The following SPAG16 variants were observed in gnomAD, a reference collection of about 807,000 sequenced individuals.
SPAG16 encodes sperm associated antigen 16, also known as sperm-associated antigen 16 protein.
SPAG16 carries 86 observed loss-of-function variants against 80.4 expected under a neutral mutation model. That is an observed-to-expected ratio of 1.07 (90% confidence interval 0.90 to 1.28). The LOEUF is 1.28. SPAG16 is among the 50% of genes most tolerant of loss of function. The pLI, the probability that SPAG16 is intolerant of heterozygous loss-of-function variation, is 0.00. For synonymous variants in SPAG16, 294 were observed against 265.9 expected (o/e 1.11, Z -1.03); for missense variants, 870 against 765.3 (o/e 1.14, Z -1.61).
chr2:214,126,646 TAATC>T (rs1362504196), intron 14 of SPAG16, among the ~76,000 whole-genome samples: 1 of 151,782 alleles, frequency 6.6e-6, no homozygotes, highest in East Asian at 1.9e-4. Flanking sequence ...AGCACTATAT[TAATC>T]AATAATAATT....
At chr2:213,351,384 T>C (rs2065318335) in intron 7 of SPAG16, among the ~76,000 whole-genome samples, 1 of 152,158 alleles carries the variant, frequency 6.6e-6, no homozygotes, top group Non-Finnish European at 1.5e-5. Context: ...GTGAAACTTA[T>C]ATGAGATATT....
At chr2:213,408,577 G>T (rs1575513794) in intron 9 of SPAG16, among the ~76,000 whole-genome samples, 2 of 126,840 alleles carry the variant, frequency 1.6e-5, no homozygotes, top group African/African-American at 5.6e-5. Flanking sequence ...TTTCCTAACA[G>T]GGGATTTAAA....
At chr2:213,690,023 C>T (rs2064871584) in intron 10 of SPAG16, among the ~76,000 whole-genome samples, 1 of 152,042 alleles carries the variant, frequency 6.6e-6, no homozygotes, top group Non-Finnish European at 1.5e-5. Flanking sequence ...ATATTCTGGC[C>T]TCCATAATGT....
rs2072899801 is a variant in SPAG16 at position 213,468,733 on chromosome 2, T to C, written c.943-21230T>C. 2.7e-5 allele frequency among the ~76,000 whole-genome samples: 4 copies of C among 149,586 alleles called. No homozygotes were observed. The Admixed American group carries it at 2.7e-4, about 10-fold the overall frequency. ...CTGTGTATATATATGTGTATATATATATCTCCTACATATATATCATATATA... is the reference window on the plus strand; with the variant it reads ...CTGTGTATATATATGTGTATATATACATCTCCTACATATATATCATATATA... On this transcript the variant is annotated intron_variant, in intron 9 of 15. Transcript: ENST00000331683.
At chr2:213,516,593 T>G (rs1253979192) in intron 10 of SPAG16, among the ~76,000 whole-genome samples, 1 of 152,180 alleles carries the variant, frequency 6.6e-6, no homozygotes, top group African/African-American at 2.4e-5. Context: ...TGCCAGGCAC[T>G]ATTTTAGGTG....
At chr2:214,388,445 G>A (rs1243510231) in intron 15 of SPAG16, among the ~76,000 whole-genome samples, 1 of 152,088 alleles carries the variant, frequency 6.6e-6, no homozygotes, top group Non-Finnish European at 1.5e-5. Context: ...GAATATATAT[G>A]ATCTTTACAT....
At chr2:213,552,086 GGT>G (rs1332005721) in intron 10 of SPAG16, among the ~76,000 whole-genome samples, 1 of 152,146 alleles carries the variant, frequency 6.6e-6, no homozygotes, top group Non-Finnish European at 1.5e-5. Flanking sequence ...AAATAAGGAA[GGT>G]GTGCAGAGAT....
intron 8 of SPAG16, among the ~76,000 whole-genome samples, chr2:213,373,210 G>T (rs182004225): frequency 1.3e-5 from 2 of 152,074 alleles, no homozygotes; most frequent in African/African-American, 2.4e-5. Flanking sequence ...AGTGCTATAT[G>T]GAATCTGAGA....
chr2:213,643,767 CTTTTTTTTTTT>C (rs71063764), intron 10 of SPAG16, among the ~76,000 whole-genome samples: 2 of 52,004 alleles, frequency 3.8e-5, no homozygotes, highest in South Asian at 1.5e-3. Flanking sequence ...CTCACTACTT[CTTTTTTTTTTT>C]TTTTTTTTTT....
chr2:214,229,018 A>G (rs1688497455), intron 15 of SPAG16, among the ~76,000 whole-genome samples: 1 of 151,886 alleles, frequency 6.6e-6, no homozygotes, highest in Non-Finnish European at 1.5e-5. Flanking sequence ...ATTATGTTAC[A>G]TAGTTTCTGC....
At chr2:213,926,291 G>A (rs559695490) in intron 11 of SPAG16, among the ~76,000 whole-genome samples, 25 of 151,942 alleles carry the variant, frequency 1.6e-4, no homozygotes, top group Non-Finnish European at 3.1e-4. Context: ...TTGGTTACAT[G>A]AGTAAGTTCT....
At chr2:213,407,625 G>GGC (rs2068697731) in intron 9 of SPAG16, among the ~76,000 whole-genome samples, 1 of 141,690 alleles carries the variant, frequency 7.1e-6, no homozygotes. Flanking sequence ...GAGAGAGAGA[G>GGC]AGAGAGAGAG....
At chr2:213,518,123 A>G (rs544920247) in intron 10 of SPAG16, among the ~76,000 whole-genome samples, 1 of 152,344 alleles carries the variant, frequency 6.6e-6, no homozygotes, top group African/African-American at 2.4e-5. Context: ...AACCCCACTG[A>G]TAAATGGGCA....
At chr2:213,912,175 A>G (rs1159947181) in intron 11 of SPAG16, among the ~76,000 whole-genome samples, 4 of 152,082 alleles carry the variant, frequency 2.6e-5, no homozygotes, top group Non-Finnish European at 4.4e-5. Flanking sequence ...GGTTAGTAAA[A>G]TACTTTGGGC....
At chr2:213,515,406 C>G (rs1026185992) in intron 10 of SPAG16, among the ~76,000 whole-genome samples, 10 of 152,304 alleles carry the variant, frequency 6.6e-5, no homozygotes, top group Middle Eastern at 3.4e-3. Context: ...TATACTTCAT[C>G]CTCTACCTCC....
intron 9 of SPAG16, among the ~76,000 whole-genome samples, chr2:213,457,899 G>T (rs2072132484): frequency 6.9e-6 from 1 of 145,940 alleles, no homozygotes; most frequent in Admixed American, 6.8e-5. Flanking sequence ...TCCTTCCTTG[G>T]CCTTTTTGAC....
At chr2:214,342,322 G>C (rs759891572) in intron 15 of SPAG16, among the ~76,000 whole-genome samples, 7 of 152,174 alleles carry the variant, frequency 4.6e-5, no homozygotes, top group Non-Finnish European at 7.3e-5. Flanking sequence ...GGTGAAAGGT[G>C]GGTGAGCAAG....
intron 10 of SPAG16, among the ~76,000 whole-genome samples, chr2:213,565,145 A>G (rs1440366599): frequency 3.9e-5 from 6 of 152,174 alleles, no homozygotes; most frequent in Admixed American, 6.5e-5. Flanking sequence ...ACTACCGCCA[A>G]CTAGTTCTAT....
At chr2:213,651,706 A>C (rs918492882) in intron 10 of SPAG16, among the ~76,000 whole-genome samples, 2 of 152,136 alleles carry the variant, frequency 1.3e-5, no homozygotes, top group African/African-American at 4.8e-5. Context: ...AATTTCTGGA[A>C]ATGTAATTTA....
Sources: allele counts gnomAD v4.1 joint callset (sites outside exome capture counted in the v4.1 genomes callset), GRCh38; gene constraint gnomAD v4.1.1; transcripts MANE v1.5; gene names NCBI Gene and HGNC (gene_info 2026-07-23, HGNC 2026-07-21).